The following SDSL variants were observed in gnomAD, a reference collection of about 807,000 sequenced individuals.
The protein encoded by SDSL is serine dehydratase-like.
In SDSL, 26 loss-of-function variants were observed where a neutral mutation model predicts 27.6. The observed-to-expected ratio is 0.94, with a 90% CI of 0.69 to 1.31. The LOEUF is 1.31. Among genes scored for constraint, SDSL ranks in the 50% most tolerant of loss-of-function variants. The probability of loss-of-function intolerance (pLI) is 0.00; values close to 1 mark genes in which losing one functional copy is unlikely to be tolerated. For missense variants in SDSL, 431 were observed against 423.5 expected (o/e 1.02, Z -0.16); for synonymous variants, 196 against 180.6 (o/e 1.09, Z -0.69).
intron 6 of SDSL, 90 bp downstream of exon 6, chr12:113,435,646 G>T (rs1347274492): frequency 1.8e-5 from 20 of 1,090,170 alleles, no homozygotes; most frequent in African/African-American, 4.7e-5. Context: ...GGAGACGGGG[G>T]CACCCAAAAG....
chr12:113,435,508 A>G lies in SDSL; in HGVS notation c.623A>G (p.Asn208Ser), dbSNP rs1957978978. 1 of 1,614,090 alleles carries G rather than the reference A, an allele frequency of 6.2e-7. No homozygotes were observed. Among genetic ancestry groups the G allele is most frequent in the Non-Finnish European group, 8.5e-7 (1 of 1,179,980 alleles). Residue 208 changes from asparagine (N) to serine (S), a missense_variant, in exon 6 of 8, where the codon AAT becomes AGT. By Grantham distance (46) the Asn-to-Ser change is conservative. Coordinates refer to ENST00000403593, the MANE Select transcript of SDSL (RefSeq NM_001304993.2). ...GAGACCCATGGGGCACACTGCTTCA[A>G]TGCGGCCATCACAGCCGGCAAGCTG... Reference protein sequence around the residue: ...AMETHGAHCFNAAITAGKLVT... With the variant: ...AMETHGAHCFSAAITAGKLVT...
intron 4 of SDSL, among the ~76,000 whole-genome samples, chr12:113,433,091 A>G (rs1565879505): frequency 6.6e-6 from 1 of 152,220 alleles, no homozygotes; most frequent in Non-Finnish European, 1.5e-5. Context: ...GAAATCTCCA[A>G]ACTGCTTCCT....
In SDSL at chr12:113,423,531, C is replaced by T. The variant is rs893089571; in HGVS notation, c.-22+1054C>T. Reference sequence around the variant, plus strand: ...GCAGAGACAAGAGATTTACCTGAGGCCAGGAGTTCAAGACCAGCCTGGACA... The same window carrying T: ...GCAGAGACAAGAGATTTACCTGAGGTCAGGAGTTCAAGACCAGCCTGGACA... On this transcript the variant is annotated intron_variant, in intron 1 of 7. Transcript: ENST00000403593. 3.9e-5 allele frequency among the ~76,000 whole-genome samples: 6 copies of T among 152,030 alleles called. 1 individual carries two copies. The highest frequency in any genetic ancestry group is 1.2e-4 in the African/African-American group (5 of 41,380).
chr12:113,435,064 G>A (rs544550084), intron 5 of SDSL, among the ~76,000 whole-genome samples: 32 of 152,292 alleles, frequency 2.1e-4, no homozygotes, highest in Admixed American at 5.2e-4. Context: ...GTAGTGAACT[G>A]AGATCGTGCC....
chr12:113,428,362 A>G (rs959380137), intron 2 of SDSL, 58 bp from the exon 3 acceptor site: 24 of 1,555,388 alleles, frequency 1.5e-5, no homozygotes, highest in Non-Finnish European at 1.9e-5. Context: ...GCCATTCCAC[A>G]TAGGCCTTCA....
Position 113,428,047 on chromosome 12 carries a change from A to G in SDSL, c.65A>G (p.Glu22Gly). 6.2e-7 allele frequency: 1 copy of G among 1,613,944 alleles called. No individual in the cohort carries two copies. Among genetic ancestry groups the G allele is most frequent in the Non-Finnish European group, 8.5e-7 (1 of 1,179,958 alleles). ...TTTCACGTGGTCACACCTCTGTTGG[A>G]GAGCTGGGCGCTGTCCCAGGTGGCG... ...EPFHVVTPLL[E>G]SWALSQVAGM... Residue 22 changes from glutamate (E) to glycine (G), a missense_variant, in exon 2 of 8, where the codon GAG becomes GGG. Physicochemically the swap from Glu to Gly is moderately conservative, Grantham distance 98 (BLOSUM62 -2). Coordinates refer to ENST00000403593, the MANE Select transcript of SDSL (RefSeq NM_001304993.2).
Position 113,436,837 on chromosome 12 carries a change from A to T in SDSL, c.758A>T (p.Glu253Val), listed in dbSNP as rs756026371. ...QVCKIHSEVVEDTEAVSAVQQ... is the reference protein window; with the variant it reads ...QVCKIHSEVVVDTEAVSAVQQ... ...TGCAAGATTCACTCTGAAGTGGTGG[A>T]GGACACCGAGGCTGTGAGCGCTGTG... The change falls in exon 7 of 8, where the codon GAG becomes GTG. Residue 253 changes from glutamate to valine, a missense_variant. Coordinates refer to ENST00000403593, the MANE Select transcript of SDSL (RefSeq NM_001304993.2). The T allele has an allele frequency of 1.9e-6, 3 of 1,611,470 alleles. No homozygotes were observed. Among genetic ancestry groups the T allele is most frequent in the South Asian group, 2.2e-5 (2 of 90,790 alleles).
intron 4 of SDSL, among the ~76,000 whole-genome samples, chr12:113,430,335 C>T (rs1957906253): frequency 6.6e-6 from 1 of 152,162 alleles, no homozygotes; most frequent in Admixed American, 6.5e-5. Flanking sequence ...CACAGGGCAC[C>T]AAGGAAGTCA....
At chr12:113,424,767 A>G (rs1957828775) in intron 1 of SDSL, among the ~76,000 whole-genome samples, 1 of 149,778 alleles carries the variant, frequency 6.7e-6, no homozygotes, top group African/African-American at 2.5e-5. Flanking sequence ...AGACAGTCTC[A>G]CTCTGTTGCC....
chr12:113,437,015 T>C, intron 7 of SDSL, 140 bp downstream of exon 7: 1 of 781,992 alleles, frequency 1.3e-6, no homozygotes, highest in Non-Finnish European at 1.9e-6. Flanking sequence ...TAAGTGCACG[T>C]CGAGTAGATG....
intron 4 of SDSL, among the ~76,000 whole-genome samples, chr12:113,429,995 C>T (rs1223753639): frequency 6.7e-6 from 1 of 148,702 alleles, no homozygotes; most frequent in Non-Finnish European, 1.5e-5. Flanking sequence ...CCTTCCCTCC[C>T]TCCTTCCTTT....
chr12:113,429,093 G>T (rs1277523348), intron 3 of SDSL, 67 bp from the exon 4 acceptor site: 3 of 1,552,560 alleles, frequency 1.9e-6, no homozygotes, highest in East Asian at 4.5e-5. Flanking sequence ...GGATATGGAG[G>T]GGGAGGGGAA....
At chr12:113,425,813 C>A (rs1323434771) in intron 1 of SDSL, 1 of 431,918 alleles carries the variant, frequency 2.3e-6, no homozygotes, top group South Asian at 1.6e-5. Context: ...CATGGTGAAA[C>A]CCCGTCTCTA....
At chr12:113,426,146 T>C (rs1279718256) in intron 1 of SDSL, 1 of 453,840 alleles carries the variant, frequency 2.2e-6, no homozygotes, top group Admixed American at 2.4e-5. Context: ...CCCCCTACCC[T>C]CACCTCCTGC....
In SDSL at chr12:113,428,463, A is replaced by T; in HGVS notation, c.214+4A>T. ...AGACACCTGGTGTGCTCCTCAGGTG[A>T]CCCCACCTTTTTTTGTTTCATGGGC... On this transcript the variant is annotated splice_donor_region_variant and intron_variant, in intron 3 of 7. Coordinates refer to ENST00000403593, the MANE Select transcript of SDSL (RefSeq NM_001304993.2). The T allele has an allele frequency of 6.2e-7, 1 of 1,610,910 alleles. No homozygotes were observed. The highest frequency in any genetic ancestry group is 1.1e-5 in the South Asian group (1 of 90,572).
chr12:113,428,339 G>A (rs747615464), intron 2 of SDSL, 81 bp from the exon 3 acceptor site: 21 of 1,442,076 alleles, frequency 1.5e-5, no homozygotes, highest in Non-Finnish European at 1.7e-5. Flanking sequence ...GAGTGGGATG[G>A]GGAGACTCTA....
chr12:113,423,076 G>T (rs1484622924), intron 1 of SDSL, among the ~76,000 whole-genome samples: 3 of 152,198 alleles, frequency 2.0e-5, no homozygotes, highest in Non-Finnish European at 4.4e-5. Context: ...CAGACCTCAG[G>T]TGCCTGATGG....
rs571933226 is a variant in SDSL, at chr12:113,435,647, C to G, written c.671+91C>G. The G allele has an allele frequency of 2.8e-6, 3 of 1,088,844 alleles. 1 individual carries two copies. The South Asian group carries it at 4.7e-5, about 17-fold the overall frequency. The allele number at this position is 1,088,844 out of a possible 1,614,324, so 67.4% of individuals were successfully genotyped here. ...CAGTCCCAGCCGGTGGAGACGGGGG[C>G]ACCCAAAAGGCTGTCCTTGGTCCTG... On this transcript the variant is annotated intron_variant, in intron 6 of 7. Coordinates refer to ENST00000403593, the MANE Select transcript of SDSL (RefSeq NM_001304993.2).
chr12:113,423,900 T>G (rs561068061), intron 1 of SDSL, among the ~76,000 whole-genome samples: 1 of 152,336 alleles, frequency 6.6e-6, no homozygotes, highest in East Asian at 1.9e-4. Context: ...TGGGTGCCCT[T>G]ACCATGCAGG....
Sources: gnomAD v4.1 joint callset for allele counts (sites outside exome capture counted in the v4.1 genomes callset) on GRCh38, gnomAD v4.1.1 for gene constraint, MANE v1.5 for transcripts, NCBI Gene and HGNC (gene_info 2026-07-23, HGNC 2026-07-21) for gene names.